VARS1: variants seen among roughly 807,000 people sequenced by gnomAD.
VARS1 encodes valyl-tRNA synthetase 1, also known as valine--tRNA ligase.
A neutral mutation model predicts 161.0 loss-of-function variants in VARS1; 92 were observed. The ratio of observed to expected loss-of-function variants is 0.57; its 90% confidence interval spans 0.48 to 0.68. The LOEUF is 0.68. Ranked by LOEUF, VARS1 falls within the 30% of genes least tolerant of loss-of-function variation. VARS1 has a pLI of 0.00. For synonymous variants in VARS1, 595 were observed against 682.5 expected, an observed-to-expected ratio of 0.87 and a Z score of 2.00; for missense variants, 1,338 against 1,695.9, an observed-to-expected ratio of 0.79 and a Z score of 3.71.
At position 31,792,469 on chromosome 6, in the gene VARS1, C is replaced by G. The variant is rs142079533; in HGVS notation, c.709G>C (p.Glu237Gln). Residue 237 changes from glutamate (E) to glutamine (Q), a missense_variant, in exon 5 of 30, where the codon GAG (glutamate) becomes CAG (glutamine). Physicochemically the swap from Glu to Gln is conservative, Grantham distance 29. Transcript: ENST00000375663. The stretch of plus-strand genomic sequence containing the variant: ...TCTAGCTTCTCCCGTTTCTTTGCCT[C>G]TTTCTTGAGCTGAGCAGCTGTCTTT... ...LPKTAAQLKK[E>Q]AKKREKLEKF... 3.2e-5 allele frequency: 51 copies of G among 1,613,840 alleles called. No homozygotes were observed. Among genetic ancestry groups the G allele is most frequent in the Non-Finnish European group, 4.2e-5 (50 of 1,180,000 alleles).
chr6:31,781,959 C>T lies in VARS1; in HGVS notation c.2242-7G>A, dbSNP rs1419814752. The T allele has an allele frequency of 1.2e-6, 2 of 1,613,028 alleles. No homozygotes were observed. On this transcript the variant is annotated splice_region_variant and splice_polypyrimidine_tract_variant and intron_variant, in intron 18 of 29. Coordinates refer to ENST00000375663, the MANE Select transcript of VARS1 (RefSeq NM_006295.3). This position sits in a 1 kb window ranked among gnomAD's most constrained non-coding sequence, Gnocchi z 6.8. ...AGTACCGCCCATCAGGGTCCTGCCA[C>T]AGGTGCAGTGATTACCCAAGGGGGT...
At position 31,780,337 on chromosome 6, in the gene VARS1, T is replaced by C; in HGVS notation, c.2925+104A>G. ...ATGCGCTGGGCTTTCCCTTTAACTG[T>C]CTGTCTCTGTGTCTATCTGTCCCCC... is the stretch of plus-strand genomic sequence containing the variant. On this transcript the variant is annotated intron_variant, in intron 25 of 29. Transcript: ENST00000375663. The surrounding 1 kb of genome is among the most constrained non-coding windows in gnomAD (Gnocchi z 5.1). The C allele has an allele frequency of 6.6e-7, 1 of 1,507,308 alleles. No homozygotes were observed. 93.4% of individuals were successfully genotyped at this position (1,507,308 alleles called of 1,614,324 possible). A position where few individuals can be genotyped will look rare whatever the true frequency, so the allele number is the denominator to read the frequency against.
In VARS1 at chr6:31,791,051, T is replaced by C. The variant is rs1387785640; in HGVS notation, c.1100+559A>G. On this transcript the variant is annotated intron_variant, in intron 8 of 29. Transcript: ENST00000375663. This position sits in a 1 kb window ranked among gnomAD's most constrained non-coding sequence, Gnocchi z 5.0. ...CTGTAATCCCAGCTACTTGGGAGGC[T>C]GAGGCAGGAGAATCACTTGAACCCA... Among the ~76,000 whole-genome samples, 2 of 152,124 alleles carry C rather than the reference T, an allele frequency of 1.3e-5. No individual in the cohort carries two copies. The highest frequency in any genetic ancestry group is 2.9e-5 in the Non-Finnish European group (2 of 68,036).
Position 31,779,047 on chromosome 6 carries a change from G to A in VARS1, c.3646C>T (p.Gln1216Ter). Residue 1216 changes from glutamine (Q) to a stop codon, truncating the protein, a stop_gained, in exon 29 of 30, where the codon CAG (glutamine) becomes TAG (stop). Coordinates refer to ENST00000375663, the MANE Select transcript of VARS1 (RefSeq NM_006295.3). LOFTEE classifies it high-confidence loss of function. The surrounding 1 kb of genome is among the most constrained non-coding windows in gnomAD (Gnocchi z 9.1). ...GCAGCACGGCGTTCCCGCAGACGCT[G>A]GGCCTGCCGCTGGGCCTCAACTCGC... Reference protein sequence around the residue: ...AKRVEAQRQAQRLRERRAASG... With the variant: ...AKRVEAQRQA 2 of 1,612,772 alleles carry A rather than the reference G, an allele frequency of 1.2e-6. No homozygotes were observed. Among genetic ancestry groups the A allele is most frequent in the Non-Finnish European group, 1.7e-6 (2 of 1,179,948 alleles).
Position 31,781,381 on chromosome 6 carries a change from C to T in VARS1, c.2544+100G>A, listed in dbSNP as rs1321302659. ...CCAGCCCCCGGGTCAGGCCTGCCCA[C>T]AGCTAACCCCATGCCCCAGCCACGC... On this transcript the variant is annotated intron_variant, in intron 21 of 29. Transcript: ENST00000375663. The surrounding 1 kb of genome is among the most constrained non-coding windows in gnomAD (Gnocchi z 6.8). 6.6e-7 allele frequency: 1 copy of T among 1,510,948 alleles called. No individual in the cohort carries two copies. The highest frequency in any genetic ancestry group is 8.9e-7 in the Non-Finnish European group (1 of 1,128,658). The allele number at this position is 1,510,948 out of a possible 1,614,324, so 93.6% of individuals were successfully genotyped here.
In VARS1 at chr6:31,784,385, G is replaced by A. The variant is rs1562301697; in HGVS notation, c.1576+9C>T. 1 of 1,614,160 alleles carries A rather than the reference G, an allele frequency of 6.2e-7. No homozygotes were observed. The highest frequency in any genetic ancestry group is 1.3e-5 in the African/African-American group (1 of 75,040). On this transcript the variant is annotated intron_variant, in intron 12 of 29. Coordinates refer to ENST00000375663, the MANE Select transcript of VARS1 (RefSeq NM_006295.3). This position sits in a 1 kb window ranked among gnomAD's most constrained non-coding sequence, Gnocchi z 6.1. ...CCCAGCCCAGGATCCTGGTGCCCCT[G>A]GCTCCTACCTGAGCCTTGGACCTTA...
intron 6 of VARS1, 41 bp from the exon 7 acceptor site, chr6:31,792,012 G>A: frequency 6.5e-7 from 1 of 1,527,508 alleles, no homozygotes; most frequent in Non-Finnish European, 8.8e-7. Flanking sequence ...GTGGCTGGGA[G>A]CACTCTGGGA....
Position 31,781,200 on chromosome 6 carries a change from C to G in VARS1, c.2545-77G>C. 1 of 1,518,422 alleles carries G rather than the reference C, an allele frequency of 6.6e-7. No homozygotes were observed. Among genetic ancestry groups the G allele is most frequent in the Non-Finnish European group, 9.0e-7 (1 of 1,106,936 alleles). The allele number at this position is 1,518,422 out of a possible 1,614,324, so 94.1% of individuals were successfully genotyped here. ...CTCAGTGCCCCGACCAGGACTGTGTCTGGTCTACCCCACTGTGAACCTCAG... is the reference window on the plus strand; with the variant it reads ...CTCAGTGCCCCGACCAGGACTGTGTGTGGTCTACCCCACTGTGAACCTCAG... On this transcript the variant is annotated intron_variant, in intron 21 of 29. Coordinates refer to ENST00000375663, the MANE Select transcript of VARS1 (RefSeq NM_006295.3). The surrounding 1 kb of genome is among the most constrained non-coding windows in gnomAD (Gnocchi z 6.8).
chr6:31,783,227 A>T, intron 13 of VARS1, 41 bp from the exon 14 acceptor site: 1 of 1,590,198 alleles, frequency 6.3e-7, no homozygotes, highest in Non-Finnish European at 8.6e-7. Context: ...AAGCAGGGCC[A>T]GACGCCGTGA....
Position 31,779,123 on chromosome 6 carries a change from C to T in VARS1, c.3570G>A (p.Gln1190=), listed in dbSNP as rs1393038680. ...LASDRCSIHL[Q]LQGLVDPARE... is the part of the protein sequence containing the mutation. ...GTGCAGGGTCCACCAGCCCCTGAAGCTGCAGGTGGATGGAGCAGCGATCAG... is the reference window on the plus strand; with the variant it reads ...GTGCAGGGTCCACCAGCCCCTGAAGTTGCAGGTGGATGGAGCAGCGATCAG... The change falls in exon 29 of 30, where the codon CAG becomes CAA. Residue 1190 remains glutamine, a synonymous_variant. Coordinates refer to ENST00000375663, the MANE Select transcript of VARS1 (RefSeq NM_006295.3). The surrounding 1 kb of genome is among the most constrained non-coding windows in gnomAD (Gnocchi z 9.1). The T allele has an allele frequency of 6.2e-7, 1 of 1,607,636 alleles. No individual in the cohort carries two copies. Among genetic ancestry groups the T allele is most frequent in the Admixed American group, 1.7e-5 (1 of 59,220 alleles).
rs1290470849 is a variant in VARS1, at chr6:31,782,367, T to C, written c.2068A>G (p.Ser690Gly). 1.2e-6 allele frequency: 2 copies of C among 1,612,548 alleles called. No individual in the cohort carries two copies. The highest frequency in any genetic ancestry group is 1.3e-5 in the African/African-American group (1 of 74,910). The change falls in exon 17 of 30, where the codon AGC becomes GGC. Residue 690 changes from serine (S) to glycine (G), a missense_variant. Ser to Gly is a moderately conservative substitution (Grantham distance 56, BLOSUM62 0). Transcript: ENST00000375663. The surrounding 1 kb of genome is among the most constrained non-coding windows in gnomAD (Gnocchi z 8.3). Reference protein sequence around the residue: ...VRCGEMAQAASAAVTRGDLRI... With the variant: ...VRCGEMAQAAGAAVTRGDLRI... ...AGGTCACCCCGAGTCACAGCGGCGC[T>C]GGCAGCCTGGGCCATCTCCCCGCAG... is the stretch of plus-strand genomic sequence containing the variant.
Position 31,781,086 on chromosome 6 carries a change from C to T in VARS1, c.2582G>A (p.Arg861Gln), listed in dbSNP as rs770347088. 2.0e-5 allele frequency: 32 copies of T among 1,613,310 alleles called. No individual in the cohort carries two copies. Among genetic ancestry groups the T allele is most frequent in the Middle Eastern group, 1.6e-4 (1 of 6,084 alleles). Residue 861 changes from arginine to glutamine, a missense_variant, in exon 22 of 30, where the codon CGG (arginine) becomes CAG (glutamine). Physicochemically the swap from Arg to Gln is conservative, Grantham distance 43. Around this residue, in one of 3 missense-constraint regions of VARS1, gnomAD observed 433 missense variants for 586.2 expected, o/e 0.74. Transcript: ENST00000375663. The surrounding 1 kb of genome is among the most constrained non-coding windows in gnomAD (Gnocchi z 6.8). ...LHAIVRDAHG[R>Q]KMSKSLGNVI... is the part of the protein sequence containing the mutation. Reference sequence around the variant, plus strand: ...ATTGCCTAGAGACTTGCTCATCTTCCGGCCGTGAGCATCTCGCACGATGGC... The same window carrying T: ...ATTGCCTAGAGACTTGCTCATCTTCTGGCCGTGAGCATCTCGCACGATGGC...
At chr6:31,783,351 A>C (rs1813286342) in intron 13 of VARS1, 165 bp from the exon 14 acceptor site, 2 of 483,484 alleles carry the variant, frequency 4.1e-6, no homozygotes, top group South Asian at 3.1e-5. Flanking sequence ...CTAAAAATAC[A>C]AAAAAAAAAT....
chr6:31,785,887 A>G lies in VARS1; in HGVS notation c.1101-154T>C, dbSNP rs1163377042. On this transcript the variant is annotated intron_variant, in intron 8 of 29. Coordinates refer to ENST00000375663, the MANE Select transcript of VARS1 (RefSeq NM_006295.3). This position sits in a 1 kb window ranked among gnomAD's most constrained non-coding sequence, Gnocchi z 6.1. ...ACGCCTGTAATCCCAGAACTTTGGGAGGCTGAGGTGGGTGGATCACCTCAG... is the reference window on the plus strand; with the variant it reads ...ACGCCTGTAATCCCAGAACTTTGGGGGGCTGAGGTGGGTGGATCACCTCAG... Among the ~76,000 whole-genome samples the G allele has an allele frequency of 1.3e-5, 2 of 152,218 alleles. No individual in the cohort carries two copies. Among genetic ancestry groups the G allele is most frequent in the Non-Finnish European group, 2.9e-5 (2 of 68,030 alleles).
intron 8 of VARS1, among the ~76,000 whole-genome samples, chr6:31,790,463 G>A (rs71563368): frequency 0.081 from 12,224 of 151,720 alleles, 622 homozygotes; most frequent in African/African-American, 0.14. Context: ...TTAGCCAGGC[G>A]CGGTGGCAGG....
intron 8 of VARS1, among the ~76,000 whole-genome samples, chr6:31,786,308 C>T (rs1321349557): frequency 2.6e-5 from 4 of 151,460 alleles, no homozygotes; most frequent in Non-Finnish European, 1.5e-5. Flanking sequence ...GGAGCTGGAA[C>T]CCTTGTGATT....
chr6:31,782,138 G>T lies in VARS1; in HGVS notation c.2190C>A (p.Arg730=). The change falls in exon 18 of 30, where the codon CGC becomes CGA. Residue 730 remains arginine, a synonymous_variant. Coordinates refer to ENST00000375663, the MANE Select transcript of VARS1 (RefSeq NM_006295.3). This position sits in a 1 kb window ranked among gnomAD's most constrained non-coding sequence, Gnocchi z 8.3. ...TGACAGTGACAAAGTAGGCTGGGATGCGATGGCCCCACCACAGCTGCCTGG... is the reference window on the plus strand; with the variant it reads ...TGACAGTGACAAAGTAGGCTGGGATTCGATGGCCCCACCACAGCTGCCTGG... The part of the protein sequence containing the change: ...CISRQLWWGH[R]IPAYFVTVSD... 1 of 1,614,012 alleles carries T rather than the reference G, an allele frequency of 6.2e-7. No individual in the cohort carries two copies. The highest frequency in any genetic ancestry group is 8.5e-7 in the Non-Finnish European group (1 of 1,179,980).
rs1232012043 is a variant in VARS1, at chr6:31,777,874, T to C, written c.3727-212A>G. 15 of 609,412 alleles carry C rather than the reference T, an allele frequency of 2.5e-5. No homozygotes were observed. The Admixed American group carries it at 4.3e-4, about 18-fold the overall frequency. The allele number at this position is 609,412 out of a possible 1,614,324, so 37.8% of individuals were successfully genotyped here. A position where few individuals can be genotyped will look rare whatever the true frequency, so the allele number is the denominator to read the frequency against. ...TTGGGTCTTGCCTTTTTCCACCAAG[T>C]GGTGAGTCCCCAAGAACAAAGGAAC... On this transcript the variant is annotated intron_variant, in intron 29 of 29. Coordinates refer to ENST00000375663, the MANE Select transcript of VARS1 (RefSeq NM_006295.3). The surrounding 1 kb of genome is among the most constrained non-coding windows in gnomAD (Gnocchi z 5.8).
rs1279835864 is a variant in VARS1 at position 31,779,374 on chromosome 6, G to A, written c.3400+51C>T. On this transcript the variant is annotated intron_variant, in intron 28 of 29. Transcript: ENST00000375663. The surrounding 1 kb of genome is among the most constrained non-coding windows in gnomAD (Gnocchi z 9.1). ...TCACTGCCGGACACTGGGTCCCAGAGTAGGCTGAGGGGACAGTGGGATGGG... is the reference window on the plus strand; with the variant it reads ...TCACTGCCGGACACTGGGTCCCAGAATAGGCTGAGGGGACAGTGGGATGGG... 7 of 1,604,820 alleles carry A rather than the reference G, an allele frequency of 4.4e-6. No homozygotes were observed.
Sources: gnomAD v4.1 joint callset for allele counts (sites outside exome capture counted in the v4.1 genomes callset) on GRCh38, gnomAD v4.1.1 for gene constraint, gnomAD v4.1.1 regional missense constraint, Gnocchi (gnomAD v3.1) non-coding constraint, MANE v1.5 for transcripts, NCBI Gene and HGNC (gene_info 2026-07-23, HGNC 2026-07-21) for gene names.